LIG1: variants seen among roughly 807,000 people sequenced by gnomAD.
LIG1 encodes the protein ligase I, DNA, ATP-dependent.
In LIG1, 70 loss-of-function variants were observed where a neutral mutation model predicts 115.7. That is an observed-to-expected ratio of 0.60 (90% CI 0.50 to 0.74). LIG1 has a LOEUF of 0.74. Among genes scored for constraint, LIG1 ranks in the 30% least tolerant of loss-of-function variants. LIG1 has a pLI of 0.00. For missense variants in LIG1, 1,115 were observed against 1,225.6 expected (o/e 0.91, Z 1.35); for synonymous variants, 487 against 495.3 (o/e 0.98, Z 0.22).
chr19:48,150,658 T>C (rs2035413718), intron 7 of LIG1, among the ~76,000 whole-genome samples: 1 of 152,214 alleles, frequency 6.6e-6, no homozygotes, highest in Non-Finnish European at 1.5e-5. Context: ...TAACATTTAA[T>C]TTACACCTAT....
intron 1 of LIG1, 123 bp downstream of exon 1, chr19:48,170,118 C>A: frequency 2.3e-6 from 1 of 429,662 alleles, no homozygotes; most frequent in South Asian, 1.6e-5. Flanking sequence ...GCGCTCTCGG[C>A]AGCCTCAGCG....
chr19:48,146,797 C>T (rs913852189), intron 9 of LIG1, among the ~76,000 whole-genome samples: 1 of 152,222 alleles, frequency 6.6e-6, no homozygotes, highest in Non-Finnish European at 1.5e-5. Flanking sequence ...CGGACACACA[C>T]TCAGGAGGCA....
intron 21 of LIG1, among the ~76,000 whole-genome samples, chr19:48,124,857 A>C (rs147391437): frequency 0.011 from 1,683 of 152,210 alleles, 38 homozygotes; most frequent in African/African-American, 0.037. Flanking sequence ...TCTACTAAAA[A>C]TGCACAAATT....
At chr19:48,161,087 C>T (rs774785186) in intron 4 of LIG1, 269 of 485,682 alleles carry the variant, frequency 5.5e-4, no homozygotes, top group Non-Finnish European at 8.8e-4. Context: ...GTATGTAAAT[C>T]GACTCATTTC....
Position 48,131,153 on chromosome 19 carries a change from C to G in LIG1, c.1744G>C (p.Gly582Arg). Residue 582 changes from glycine (G) to arginine (R), a missense_variant, in exon 19 of 28, where the codon GGG becomes CGG. By Grantham distance (125) the Gly-to-Arg change is moderately radical. Coordinates refer to ENST00000263274, the MANE Select transcript of LIG1 (RefSeq NM_000234.3). ...QRAQIHALEG[G>R]EVKIFSRNQE... ...TTCCTGCTGAAGATCTTCACCTCCC[C>G]GCCTTCCAGGGCGTGGATCTGTCAC... 6.2e-7 allele frequency: 1 copy of G among 1,614,096 alleles called. No homozygotes were observed. The highest frequency in any genetic ancestry group is 1.1e-5 in the South Asian group (1 of 91,082).
chr19:48,139,833 AG>A, intron 12 of LIG1, 137 bp downstream of exon 12: 2 of 1,000,182 alleles, frequency 2.0e-6, no homozygotes, highest in Non-Finnish European at 3.1e-6. Flanking sequence ...TGTCCCCATC[AG>A]GCTCTCCTCC....
intron 21 of LIG1, among the ~76,000 whole-genome samples, chr19:48,126,549 T>C (rs1036022672): frequency 6.7e-6 from 1 of 150,338 alleles, no homozygotes; most frequent in Non-Finnish European, 1.5e-5. Context: ...GCAGTTGTAG[T>C]GAGCTGAGAT....
chr19:48,134,604 G>A (rs1254980767), intron 16 of LIG1, among the ~76,000 whole-genome samples: 2 of 152,268 alleles, frequency 1.3e-5, no homozygotes, highest in Non-Finnish European at 2.9e-5. Context: ...GTTGCAGTGA[G>A]CTGAGATTGT....
chr19:48,128,115 G>T, intron 19 of LIG1, 95 bp from the exon 20 acceptor site: 2 of 962,496 alleles, frequency 2.1e-6, no homozygotes, highest in Non-Finnish European at 3.4e-6. Flanking sequence ...TCCTTCTGCA[G>T]CTCTCAAGAT....
chr19:48,131,323 C>T, intron 18 of LIG1, 152 bp from the exon 19 acceptor site: 3 of 657,928 alleles, frequency 4.6e-6, no homozygotes, highest in Non-Finnish European at 5.5e-6. Context: ...TCCTCAGTTC[C>T]AACAGCACCT....
intron 21 of LIG1, among the ~76,000 whole-genome samples, chr19:48,125,219 A>T (rs982579656): frequency 6.6e-6 from 1 of 152,194 alleles, no homozygotes; most frequent in African/African-American, 2.4e-5. Context: ...GAAATATTTG[A>T]AATGCTCATG....
chr19:48,143,650 G>C (rs570069334), intron 10 of LIG1, 51 bp from the exon 11 acceptor site: 1 of 1,494,946 alleles, frequency 6.7e-7, no homozygotes, highest in South Asian at 1.1e-5. Flanking sequence ...GCTATACCAT[G>C]CTGCCCGTCT....
At chr19:48,140,396 C>T (rs931145746) in intron 11 of LIG1, among the ~76,000 whole-genome samples, 3 of 152,196 alleles carry the variant, frequency 2.0e-5, no homozygotes, top group Admixed American at 1.3e-4. Context: ...CCGATTCCAT[C>T]TTGCTTCTAA....
intron 4 of LIG1, 98 bp downstream of exon 4, chr19:48,161,274 T>G: frequency 1.3e-6 from 2 of 1,555,338 alleles, no homozygotes; most frequent in Non-Finnish European, 1.8e-6. Flanking sequence ...CCCGGGCAAT[T>G]TCTCCAGAAT....
At chr19:48,151,364 T>TG in intron 6 of LIG1, 25 bp from the exon 7 acceptor site, 1 of 1,460,940 alleles carries the variant, frequency 6.8e-7, no homozygotes, top group Non-Finnish European at 9.6e-7. Flanking sequence ...AACGGTCAGA[T>TG]GGCAAAAAAA....
Position 48,137,070 on chromosome 19 carries a change from C to T in LIG1, c.1269G>A (p.Lys423=), listed in dbSNP as rs1023834124. 5 of 1,612,814 alleles carry T rather than the reference C, an allele frequency of 3.1e-6. No homozygotes were observed. Among genetic ancestry groups the T allele is most frequent in the East Asian group, 2.2e-5 (1 of 44,864 alleles). Residue 423 remains lysine (K), a synonymous_variant, in exon 14 of 28, where the codon AAG becomes AAA. Coordinates refer to ENST00000263274, the MANE Select transcript of LIG1 (RefSeq NM_000234.3). This position sits in a 1 kb window ranked among gnomAD's most constrained non-coding sequence, Gnocchi z 4.3. ...RLTGSASTAK[K]IDIIKGLFVA... is the part of the protein sequence containing the mutation. ...CAAAGAGGCCTTTGATGATGTCTATCTTCTTGGCTGTGGACTGGAGAGTCA... is the reference window on the plus strand; with the variant it reads ...CAAAGAGGCCTTTGATGATGTCTATTTTCTTGGCTGTGGACTGGAGAGTCA...
At chr19:48,160,361 T>C (rs975888629) in intron 4 of LIG1, among the ~76,000 whole-genome samples, 4 of 151,698 alleles carry the variant, frequency 2.6e-5, no homozygotes, top group African/African-American at 9.7e-5. Flanking sequence ...GGAAAGAAGG[T>C]AGTGGCCCAG....
Position 48,137,031 on chromosome 19 carries a change from G to A in LIG1, c.1308C>T (p.His436=), listed in dbSNP as rs984759819. The stretch of plus-strand genomic sequence containing the variant: ...ACCTAGCGATGAACCGGGCTTCTGA[G>A]TGGCGGCAGGCCACAAAGAGGCCTT... ...IIKGLFVACR[H]SEARFIARSL... is the part of the protein sequence containing the mutation. Residue 436 remains histidine (H), a synonymous_variant, in exon 14 of 28, where the codon CAC becomes CAT. Transcript: ENST00000263274. The surrounding 1 kb of genome is among the most constrained non-coding windows in gnomAD (Gnocchi z 4.3). 28 of 1,612,102 alleles carry A rather than the reference G, an allele frequency of 1.7e-5. No homozygotes were observed. Among genetic ancestry groups the A allele is most frequent in the Non-Finnish European group, 2.3e-5 (27 of 1,179,492 alleles).
Position 48,132,973 on chromosome 19 carries a change from T to G in LIG1, c.1725+9A>C. ...TGTCTGTGGAAGGGACATGTCCCAC[T>G]CCCCATACCTGTGCCCTCTGCCCGT... On this transcript the variant is annotated intron_variant, in intron 18 of 27. Coordinates refer to ENST00000263274, the MANE Select transcript of LIG1 (RefSeq NM_000234.3). The G allele has an allele frequency of 6.3e-7, 1 of 1,589,928 alleles. No homozygotes were observed. Among genetic ancestry groups the G allele is most frequent in the Non-Finnish European group, 8.6e-7 (1 of 1,158,040 alleles).
Sources: gnomAD v4.1 joint callset for allele counts (sites outside exome capture counted in the v4.1 genomes callset) on GRCh38, gnomAD v4.1.1 for gene constraint, Gnocchi (gnomAD v3.1) non-coding constraint, MANE v1.5 for transcripts, NCBI Gene and HGNC (gene_info 2026-07-23, HGNC 2026-07-21) for gene names.